SCN8A: variants seen among roughly 807,000 people sequenced by gnomAD.
SCN8A encodes sodium channel protein type 8 subunit alpha.
SCN8A carries 30 observed loss-of-function variants against 184.1 expected under a neutral mutation model. The observed-to-expected ratio is 0.16, with a 90% CI of 0.12 to 0.22. SCN8A has a LOEUF of 0.22. Among genes scored for constraint, SCN8A ranks in the 10% least tolerant of loss-of-function variants. SCN8A has a pLI of 1.00. For synonymous variants in SCN8A, 852 were observed against 907.0 expected, an observed-to-expected ratio of 0.94 and a Z score of 1.09; for missense variants, 1,057 against 2,498.9, an observed-to-expected ratio of 0.42 and a Z score of 12.30.
chr12:51,668,020 C>T (rs1941065588), intron 2 of SCN8A, among the ~76,000 whole-genome samples: 1 of 151,894 alleles, frequency 6.6e-6, no homozygotes, highest in African/African-American at 2.4e-5. Flanking sequence ...CCTGTCTCTA[C>T]TAAAAATACA....
chr12:51,744,727 A>G lies in SCN8A; in HGVS notation c.1999-1176A>G, dbSNP rs532599725. On this transcript the variant is annotated intron_variant, in intron 12 of 26. Transcript: ENST00000627620. ...CCTGAGTAGCTGGGACTACAGGCTA[A>G]TGAAACACTTTGATAAGATAAATCG... is the stretch of plus-strand genomic sequence containing the variant. Among the ~76,000 whole-genome samples, 9 of 152,082 alleles carry G rather than the reference A, an allele frequency of 5.9e-5. No individual in the cohort carries two copies. The South Asian group carries it at 1.9e-3, about 32-fold the overall frequency.
intron 1 of SCN8A, among the ~76,000 whole-genome samples, chr12:51,617,681 A>G (rs1360645432): frequency 6.6e-6 from 1 of 152,122 alleles, no homozygotes; most frequent in Non-Finnish European, 1.5e-5. Context: ...AACACTTTCA[A>G]ATTGTTAGAA....
At chr12:51,615,979 A>G (rs1939828089) in intron 1 of SCN8A, among the ~76,000 whole-genome samples, 1 of 152,116 alleles carries the variant, frequency 6.6e-6, no homozygotes, top group African/African-American at 2.4e-5. Context: ...CAGTCCTGTC[A>G]TCTTGGCCTC....
intron 26 of SCN8A, among the ~76,000 whole-genome samples, chr12:51,795,697 T>G (rs1938386676): frequency 6.6e-6 from 1 of 152,174 alleles, no homozygotes; most frequent in Non-Finnish European, 1.5e-5. Flanking sequence ...CTGCCTTTAA[T>G]TTTCCTTTGA....
intron 2 of SCN8A, among the ~76,000 whole-genome samples, chr12:51,683,455 C>T (rs1257039277): frequency 6.6e-6 from 1 of 152,096 alleles, no homozygotes; most frequent in Non-Finnish European, 1.5e-5. Flanking sequence ...CTCTTGAAAG[C>T]CATATAAAGC....
chr12:51,605,743 C>T (rs1178909394), intron 1 of SCN8A, among the ~76,000 whole-genome samples: 2 of 152,148 alleles, frequency 1.3e-5, no homozygotes, highest in African/African-American at 4.8e-5. Flanking sequence ...TCACTGCATC[C>T]ACACCAACAT....
At chr12:51,759,606 T>TG (rs905492695) in intron 14 of SCN8A, among the ~76,000 whole-genome samples, 1 of 152,172 alleles carries the variant, frequency 6.6e-6, no homozygotes, top group Non-Finnish European at 1.5e-5. Flanking sequence ...AAACCACAGA[T>TG]GGGGGGTACT....
At chr12:51,647,599 G>A (rs1940618903) in intron 1 of SCN8A, among the ~76,000 whole-genome samples, 1 of 152,228 alleles carries the variant, frequency 6.6e-6, no homozygotes, top group South Asian at 2.1e-4. Flanking sequence ...AGATCTTGAT[G>A]TTATCAAGAG....
chr12:51,723,226 GTAATCCCA>G (rs2138785976), intron 12 of SCN8A: 1 of 152,368 alleles, frequency 6.6e-6, no homozygotes, highest in South Asian at 2.1e-4. Context: ...GCTCGCACCT[GTAATCCCA>G]GCACTTTGGG....
chr12:51,611,029 A>G (rs149045183), intron 1 of SCN8A, among the ~76,000 whole-genome samples: 18 of 152,356 alleles, frequency 1.2e-4, no homozygotes, highest in Admixed American at 9.8e-4. Flanking sequence ...CATTAAATCT[A>G]TAAATCAGTT....
At chr12:51,637,004 T>A (rs1592344980) in intron 1 of SCN8A, among the ~76,000 whole-genome samples, 1 of 152,226 alleles carries the variant, frequency 6.6e-6, no homozygotes, top group East Asian at 1.9e-4. Flanking sequence ...CAGAAGCATA[T>A]GCTCACTTTG....
At chr12:51,754,647 A>G (rs191528291) in intron 14 of SCN8A, among the ~76,000 whole-genome samples, 32 of 152,262 alleles carry the variant, frequency 2.1e-4, no homozygotes, top group African/African-American at 4.3e-4. Flanking sequence ...ACCCCATTAC[A>G]TGTAGCTATC....
chr12:51,607,040 G>A (rs1004670513), intron 1 of SCN8A, among the ~76,000 whole-genome samples: 1 of 151,980 alleles, frequency 6.6e-6, no homozygotes, highest in Non-Finnish European at 1.5e-5. Flanking sequence ...TGGGATTACA[G>A]GGGTATGCCA....
At chr12:51,601,615 A>G (rs189494222) in intron 1 of SCN8A, among the ~76,000 whole-genome samples, 2 of 152,240 alleles carry the variant, frequency 1.3e-5, no homozygotes, top group African/African-American at 2.4e-5. Context: ...AAGATTTGCT[A>G]TTAATTAGAT....
At chr12:51,620,424 A>G (rs1217723281) in intron 1 of SCN8A, among the ~76,000 whole-genome samples, 5 of 152,212 alleles carry the variant, frequency 3.3e-5, no homozygotes, top group Non-Finnish European at 5.9e-5. Flanking sequence ...ACTTGGATAA[A>G]TTGTTAAGTA....
intron 6 of SCN8A, among the ~76,000 whole-genome samples, chr12:51,691,622 A>AT (rs1352537551): frequency 6.6e-6 from 1 of 152,170 alleles, no homozygotes; most frequent in Non-Finnish European, 1.5e-5. Flanking sequence ...CCAGATTCCT[A>AT]TTTCTAGAAG....
intron 16 of SCN8A, 94 bp downstream of exon 16, chr12:51,766,121 C>T (rs1196082279): frequency 2.1e-6 from 2 of 952,590 alleles, no homozygotes; most frequent in Non-Finnish European, 3.4e-6. Flanking sequence ...AGTCCTTCTA[C>T]TACCCGTCAT....
At chr12:51,780,481 C>T (rs866568866) in intron 20 of SCN8A, among the ~76,000 whole-genome samples, 168 bp from the exon 21 acceptor site, 1 of 149,022 alleles carries the variant, frequency 6.7e-6, no homozygotes, top group East Asian at 2.0e-4. Context: ...GCTGGTGTTA[C>T]CCACTTCCTC....
intron 14 of SCN8A, among the ~76,000 whole-genome samples, chr12:51,758,083 C>G (rs138554205): frequency 6.6e-6 from 1 of 152,130 alleles, no homozygotes; most frequent in Non-Finnish European, 1.5e-5. Context: ...AATTTGATGC[C>G]GAAGTGCTCC....
Sources: gnomAD v4.1 joint callset for allele counts (sites outside exome capture counted in the v4.1 genomes callset) on GRCh38, gnomAD v4.1.1 for gene constraint, MANE v1.5 for transcripts, NCBI Gene and HGNC (gene_info 2026-07-23, HGNC 2026-07-21) for gene names.